CCN5: variants seen among roughly 807,000 people sequenced by gnomAD.
CCN5 encodes CCN family member 5.
Under a neutral mutation model 18.7 loss-of-function variants are expected in CCN5, and 17 were observed. The ratio of observed to expected loss-of-function variants is 0.91; its 90% CI spans 0.62 to 1.36. The LOEUF (loss-of-function observed/expected upper bound fraction) is 1.36, where lower values mean the gene tolerates loss of function less well. CCN5 is among the 40% of genes most tolerant of loss of function. The pLI, the probability that CCN5 is intolerant of heterozygous loss-of-function variation, is 0.00. For synonymous variants in CCN5, 135 were observed against 145.2 expected, an observed-to-expected ratio of 0.93 and a Z score of 0.50; for missense variants, 367 against 342.9, an observed-to-expected ratio of 1.07 and a Z score of -0.56.
At chr20:44,723,845 A>G (rs1234932824) in intron 2 of CCN5, 1 of 152,206 alleles carries the variant, frequency 6.6e-6, no homozygotes, top group Non-Finnish European at 1.5e-5. Context: ...GAGTAGGGCT[A>G]TTTTATCAGG....
intron 3 of CCN5, among the ~76,000 whole-genome samples, chr20:44,725,294 C>G (rs1381057812): frequency 6.6e-6 from 1 of 152,058 alleles, no homozygotes; most frequent in Non-Finnish European, 1.5e-5. Flanking sequence ...AAAAATTAGC[C>G]TAGCATGGTG....
At chr20:44,715,242 T>TGC (rs2065847717), upstream of CCN5, 5 of 538,124 alleles carry the variant, frequency 9.3e-6, no homozygotes, top group African/African-American at 9.7e-5. Context: ...TGTGTGTGTG[T>TGC]GTGTGTGTGT....
At chr20:44,715,263 GC>G, upstream of CCN5, 1 of 83,608 alleles carries the variant, frequency 1.2e-5, no homozygotes, top group Non-Finnish European at 2.1e-5. Flanking sequence ...GTGTGTGTGA[GC>G]GCGCGCGCGC....
chr20:44,715,383 CA>C lies in CCN5; in HGVS notation c.-7del. 6.3e-7 allele frequency: 1 copy of C among 1,599,086 alleles called. No homozygotes were observed. The highest frequency in any genetic ancestry group is 1.1e-5 in the South Asian group (1 of 88,406). ...CCTCCCAGGCTCAAAGCTGGCTCTG[CA>C]GGGGACATGAGAGGCACACCGAAGA... On this transcript the variant is annotated 5_prime_UTR_variant, in exon 1 of 4. Coordinates refer to ENST00000190983, the MANE Select transcript of CCN5 (RefSeq NM_003881.4).
intron 1 of CCN5, among the ~76,000 whole-genome samples, chr20:44,717,929 G>T (rs1490210035): frequency 6.6e-6 from 1 of 151,808 alleles, no homozygotes; most frequent in African/African-American, 2.4e-5. Flanking sequence ...ATGCAGATTC[G>T]GATTTATTAT....
At chr20:44,718,711 C>G (rs375150497) in intron 1 of CCN5, among the ~76,000 whole-genome samples, 2 of 152,254 alleles carry the variant, frequency 1.3e-5, no homozygotes, top group East Asian at 3.9e-4. Context: ...GGACCGGGGA[C>G]GCTCCCAGCC....
chr20:44,719,614 C>T (rs1310631433), intron 1 of CCN5, among the ~76,000 whole-genome samples: 4 of 152,160 alleles, frequency 2.6e-5, no homozygotes, highest in Non-Finnish European at 5.9e-5. Flanking sequence ...GGGATCGCGC[C>T]ACTGCACTCC....
At chr20:44,720,411 C>A (rs951555540) in intron 2 of CCN5, 5 of 472,998 alleles carry the variant, frequency 1.1e-5, no homozygotes, top group South Asian at 5.4e-5. Context: ...GAAGCCCCCC[C>A]AGATTCTTCA....
intron 3 of CCN5, among the ~76,000 whole-genome samples, chr20:44,725,825 G>A (rs1475382940): frequency 1.3e-5 from 2 of 152,092 alleles, no homozygotes; most frequent in African/African-American, 2.4e-5. Flanking sequence ...ACCTCCCACC[G>A]TCCCACTATA....
At chr20:44,722,725 C>T (rs981607662) in intron 2 of CCN5, among the ~76,000 whole-genome samples, 1 of 152,060 alleles carries the variant, frequency 6.6e-6, no homozygotes, top group Middle Eastern at 3.2e-3. Flanking sequence ...CCACCCGCCT[C>T]GGCCTCCCTA....
rs557863338 is a variant in CCN5, at chr20:44,717,109, C to CCTTGGATGTCAACTTGAA, written c.60+1672_60+1689dup. Reference sequence around the variant, plus strand: ...CACAATGGGACAACTTGAGTTTGGGCCTTGGATGTCAACTTGAACTTGGAT... The same window carrying CCTTGGATGTCAACTTGAA: ...CACAATGGGACAACTTGAGTTTGGGCCTTGGATGTCAACTTGAACTTGGATGTCAACTTGAACTTGGAT... On this transcript the variant is annotated intron_variant, in intron 1 of 3. Coordinates refer to ENST00000190983, the MANE Select transcript of CCN5 (RefSeq NM_003881.4). Among the ~76,000 whole-genome samples, 254 of 152,250 alleles carry CCTTGGATGTCAACTTGAA rather than the reference C, an allele frequency of 1.7e-3. 1 individual carries two copies. Among genetic ancestry groups the CCTTGGATGTCAACTTGAA allele is most frequent in the African/African-American group, 5.9e-3 (245 of 41,548 alleles).
upstream of CCN5, chr20:44,715,120 G>C: frequency 2.4e-6 from 1 of 412,942 alleles, no homozygotes; most frequent in Non-Finnish European, 4.6e-6. Flanking sequence ...ACACACACAC[G>C]GACAGGCACC....
rs367574523 is a variant in CCN5, at chr20:44,715,422, C to T, written c.32C>T (p.Ala11Val). Residue 11 changes from alanine to valine, a missense_variant, in exon 1 of 4, where the codon GCC (alanine) becomes GTC (valine). Coordinates refer to ENST00000190983, the MANE Select transcript of CCN5 (RefSeq NM_003881.4). ...GGCACACCGAAGACCCACCTCCTGG[C>T]CTTCTCCCTCCTCTGCCTCCTCTCA... The part of the protein sequence containing the change: MRGTPKTHLL[A>V]FSLLCLLSKV... The T allele has an allele frequency of 1.7e-5, 28 of 1,600,976 alleles. No homozygotes were observed. Among genetic ancestry groups the T allele is most frequent in the Non-Finnish European group, 2.2e-5 (26 of 1,174,142 alleles).
chr20:44,715,121 G>T (rs1479045865), upstream of CCN5: 1 of 449,256 alleles, frequency 2.2e-6, no homozygotes, highest in Admixed American at 3.5e-5. Context: ...CACACACACG[G>T]ACAGGCACCC....
chr20:44,724,804 C>A lies in CCN5; in HGVS notation c.344C>A (p.Pro115His). Residue 115 changes from proline (P) to histidine (H), a missense_variant, in exon 3 of 4, where the codon CCC becomes CAC. Transcript: ENST00000190983. ...RLYREGETFQ[P>H]HCSIRCRCED... is the part of the protein sequence containing the mutation. ...TATCGGGAAGGGGAGACCTTCCAGC[C>A]CCACTGCAGCATCCGCTGCCGCTGC... 1 of 1,612,260 alleles carries A rather than the reference C, an allele frequency of 6.2e-7. No homozygotes were observed. Among genetic ancestry groups the A allele is most frequent in the Non-Finnish European group, 8.5e-7 (1 of 1,179,776 alleles).
intron 2 of CCN5, chr20:44,723,539 T>C (rs1471100605): frequency 6.6e-6 from 1 of 152,094 alleles, no homozygotes; most frequent in Non-Finnish European, 1.5e-5. Context: ...ACAGACCTAC[T>C]GGAAGGTTTT....
intron 1 of CCN5, among the ~76,000 whole-genome samples, chr20:44,718,546 C>T (rs2065876041): frequency 6.6e-6 from 1 of 152,148 alleles, no homozygotes; most frequent in African/African-American, 2.4e-5. Context: ...CTCACGGCAC[C>T]TGCTGTATGC....
chr20:44,717,896 A>G (rs13039989), intron 1 of CCN5, among the ~76,000 whole-genome samples: 124 of 150,100 alleles, frequency 8.3e-4, no homozygotes, highest in Non-Finnish European at 4.6e-4. Flanking sequence ...AAAAAAAAAA[A>G]AAAGAAAGAA....
chr20:44,720,972 CTT>C (rs2065895156), intron 2 of CCN5: 1 of 152,204 alleles, frequency 6.6e-6, no homozygotes, highest in African/African-American at 2.4e-5. Context: ...GACAGTCTGT[CTT>C]CAGACAGTGC....
Sources: gnomAD v4.1 joint callset for allele counts (sites outside exome capture counted in the v4.1 genomes callset) on GRCh38, gnomAD v4.1.1 for gene constraint, MANE v1.5 for transcripts, NCBI Gene and HGNC (gene_info 2026-07-23, HGNC 2026-07-21) for gene names.